Variants in C19orf38 observed in about 807,000 individuals in gnomAD.
C19orf38 encodes the protein protein HIDE1.
Under a neutral mutation model 26.6 loss-of-function variants are expected in C19orf38, and 14 were observed. The observed-to-expected ratio is 0.53, with a 90% confidence interval of 0.35 to 0.82. The LOEUF is 0.82. Ranked by LOEUF, C19orf38 falls within the 40% of genes least tolerant of loss-of-function variation. C19orf38 has a pLI of 0.01. For missense variants in C19orf38, 261 were observed against 299.5 expected (o/e 0.87, Z 0.95); for synonymous variants, 132 against 128.5 (o/e 1.03, Z -0.18).
chr19:10,837,455 C>A (rs749749928), intron 1 of C19orf38, among the ~76,000 whole-genome samples: 1 of 147,614 alleles, frequency 6.8e-6, no homozygotes, highest in Non-Finnish European at 1.5e-5. Context: ...CAGTGGAGAA[C>A]GGGTGACTCC....
chr19:10,842,277 T>A, intron 1 of C19orf38: 1 of 1,019,840 alleles, frequency 9.8e-7, no homozygotes, highest in Non-Finnish European at 1.5e-6. Flanking sequence ...TTTTTTTTTT[T>A]TGAGACGGAG....
At chr19:10,844,648 C>A (rs1402107312), upstream of C19orf38, among the ~76,000 whole-genome samples, 1 of 150,064 alleles carries the variant, frequency 6.7e-6, no homozygotes, top group South Asian at 2.1e-4. Flanking sequence ...GTGATCAAGA[C>A]CATCCTGGCT....
intron 4 of C19orf38, among the ~76,000 whole-genome samples, chr19:10,858,585 T>C (rs113546576): frequency 6.6e-6 from 1 of 152,132 alleles, no homozygotes; most frequent in African/African-American, 2.4e-5. Flanking sequence ...TAGCCCTATT[T>C]TACAGAAGAG....
chr19:10,849,680 T>C (rs1430131255), intron 1 of C19orf38, among the ~76,000 whole-genome samples: 3 of 151,814 alleles, frequency 2.0e-5, no homozygotes, highest in African/African-American at 7.3e-5. Context: ...CAAAGCAAGA[T>C]TTTGTCTCTA....
intron 3 of C19orf38, 106 bp downstream of exon 3, chr19:10,856,463 A>G (rs1432062869): frequency 4.9e-6 from 4 of 815,558 alleles, no homozygotes; most frequent in Admixed American, 2.5e-5. Context: ...CAGGTTCAGT[A>G]ATTTGTTCAT....
chr19:10,845,746 G>GT (rs528505068), upstream of C19orf38, among the ~76,000 whole-genome samples: 255 of 152,112 alleles, frequency 1.7e-3, 1 homozygote, highest in Non-Finnish European at 1.9e-3. Context: ...ATGCATGGTG[G>GT]TGGGTGCCTG....
Position 10,856,323 on chromosome 19 carries a change from TG to T in C19orf38, c.402del (p.Leu135TrpfsTer192). The T allele has an allele frequency of 6.4e-7, 1 of 1,551,356 alleles. No homozygotes were observed. The highest frequency in any genetic ancestry group is 8.7e-7 in the Non-Finnish European group (1 of 1,146,704). On this transcript the variant is annotated frameshift_variant, in exon 3 of 7. Transcript: ENST00000397820. LOFTEE classifies it high-confidence loss of function. The stretch of plus-strand genomic sequence containing the variant: ...TGGCTGGTGCCCTCTTCCTCCTTGC[TG>T]GGCTGGTGGCTGTTGCCCTGGTGGT... ...SLAGALFLLA[G>X]LVAVALVVRK... is the part of the protein sequence containing the mutation.
chr19:10,869,321 C>T lies in C19orf38; in HGVS notation c.647C>T (p.Ser216Phe), dbSNP rs2073781074. 2 of 1,551,488 alleles carry T rather than the reference C, an allele frequency of 1.3e-6. No homozygotes were observed. The highest frequency in any genetic ancestry group is 1.4e-5 in the African/African-American group (1 of 73,050). ...RTRKRPTSTSSSPETPEFSTF... is the reference protein window; with the variant it reads ...RTRKRPTSTSFSPETPEFSTF... ...CGGAAGAGGCCCACTTCCACGTCCTCCTCGCCTGAGACCCCCGAATTCAGC... is the reference window on the plus strand; with the variant it reads ...CGGAAGAGGCCCACTTCCACGTCCTTCTCGCCTGAGACCCCCGAATTCAGC... The change falls in exon 7 of 7, where the codon TCC becomes TTC. Residue 216 changes from serine (S) to phenylalanine (F), a missense_variant. Ser to Phe is a radical substitution (Grantham distance 155). Coordinates refer to ENST00000397820, the MANE Select transcript of C19orf38 (RefSeq NM_001136482.3).
chr19:10,855,030 C>CT (rs33999724), intron 2 of C19orf38, among the ~76,000 whole-genome samples: 2,081 of 77,754 alleles, frequency 0.027, 41 homozygotes, highest in Middle Eastern at 0.066. Flanking sequence ...GATATATATT[C>CT]TTTTTTTTTT....
At chr19:10,837,626 G>A (rs189324865) in intron 1 of C19orf38, among the ~76,000 whole-genome samples, 24 of 147,250 alleles carry the variant, frequency 1.6e-4, no homozygotes, top group Non-Finnish European at 3.0e-4. Flanking sequence ...TCCTGCCTCA[G>A]CCTTCCGAGT....
chr19:10,859,374 ATATATATATATTTTTT>A (rs1379483210), intron 4 of C19orf38, among the ~76,000 whole-genome samples: 24 of 39,958 alleles, frequency 6.0e-4, no homozygotes, highest in East Asian at 4.9e-3. Flanking sequence ...ATATATATAT[ATATATATATATTTTTT>A]TTTTTTTTTT....
chr19:10,850,454 G>A lies in C19orf38; in HGVS notation c.227G>A (p.Gly76Asp), dbSNP rs2073560687. The change falls in exon 2 of 7, where the codon GGC (glycine) becomes GAC (aspartate). Residue 76 changes from glycine to aspartate, a missense_variant. By Grantham distance (94) the Gly-to-Asp change is moderately conservative (BLOSUM62 -1). Transcript: ENST00000397820. Reference protein sequence around the residue: ...DQRGVTFNLSGGSSKAPGGPF... With the variant: ...DQRGVTFNLSDGSSKAPGGPF... ...CGCGGGGTGACATTTAACCTGAGCG[G>A]CGGCAGCAGCAAGGCTCCAGGGGGA... The A allele has an allele frequency of 6.4e-7, 1 of 1,551,452 alleles. No individual in the cohort carries two copies. Among genetic ancestry groups the A allele is most frequent in the Non-Finnish European group, 8.7e-7 (1 of 1,146,958 alleles).
intron 4 of C19orf38, among the ~76,000 whole-genome samples, chr19:10,859,382 A>T (rs1423622043): frequency 6.1e-4 from 16 of 26,152 alleles, no homozygotes; most frequent in Non-Finnish European, 8.0e-4. Context: ...ATATATATAT[A>T]TATTTTTTTT....
intron 1 of C19orf38, among the ~76,000 whole-genome samples, chr19:10,838,273 G>T (rs1479350549): frequency 1.3e-5 from 2 of 152,122 alleles, no homozygotes; most frequent in African/African-American, 4.8e-5. Flanking sequence ...AGCCAGGCGT[G>T]GTGGCGGGTG....
At chr19:10,862,838 A>G (rs1182471677) in intron 5 of C19orf38, among the ~76,000 whole-genome samples, 2 of 144,782 alleles carry the variant, frequency 1.4e-5, no homozygotes, top group Non-Finnish European at 3.1e-5. Flanking sequence ...CAAAAACAAG[A>G]AAAAAAAAAT....
At chr19:10,866,520 C>T (rs2073753761) in intron 6 of C19orf38, among the ~76,000 whole-genome samples, 1 of 150,664 alleles carries the variant, frequency 6.6e-6, no homozygotes, top group Non-Finnish European at 1.5e-5. Context: ...TTTTAAGATA[C>T]AGTTTCACTT....
intron 1 of C19orf38, among the ~76,000 whole-genome samples, chr19:10,838,545 A>G (rs887305692): frequency 2.6e-5 from 4 of 152,210 alleles, no homozygotes; most frequent in African/African-American, 7.2e-5. Context: ...CCCATTAAGC[A>G]GTGATTCTGA....
intron 2 of C19orf38, among the ~76,000 whole-genome samples, chr19:10,854,419 C>T (rs924540739): frequency 3.9e-5 from 6 of 152,152 alleles, no homozygotes; most frequent in African/African-American, 1.2e-4. Context: ...TGTTGCCAGC[C>T]GAGGCCAACA....
chr19:10,844,847 C>CA (rs36112084), upstream of C19orf38, among the ~76,000 whole-genome samples: 4,179 of 63,270 alleles, frequency 0.066, 387 homozygotes, highest in East Asian at 0.49. Flanking sequence ...GATTCCATCT[C>CA]AAAAAAAAAA....
Sources: gnomAD v4.1 joint callset for allele counts (sites outside exome capture counted in the v4.1 genomes callset) on GRCh38, gnomAD v4.1.1 for gene constraint, MANE v1.5 for transcripts, NCBI Gene and HGNC (gene_info 2026-07-23, HGNC 2026-07-21) for gene names.